DLGAP2: variants seen among roughly 807,000 people sequenced by gnomAD.
DLGAP2 encodes disks large-associated protein 2.
A neutral mutation model predicts 100.3 loss-of-function variants in DLGAP2; 26 were observed. The observed-to-expected ratio is 0.26, with a 90% CI of 0.19 to 0.36. DLGAP2 has a LOEUF of 0.36. Ranked by LOEUF, DLGAP2 falls within the 10% of genes least tolerant of loss-of-function variation. The pLI, the probability that DLGAP2 is intolerant of heterozygous loss-of-function variation, is 1.00. For synonymous variants in DLGAP2, 886 were observed against 630.1 expected, an observed-to-expected ratio of 1.41 and a Z score of -6.08; for missense variants, 1,858 against 1,453.2, an observed-to-expected ratio of 1.28 and a Z score of -4.53.
At chr8:1,606,709 G>T (rs1372007887) in intron 6 of DLGAP2, among the ~76,000 whole-genome samples, 1 of 151,994 alleles carries the variant, frequency 6.6e-6, no homozygotes, top group African/African-American at 2.4e-5. Context: ...CTGAGATGAG[G>T]TCTCACTCTG....
At chr8:1,145,799 T>G in intron 2 of DLGAP2, among the ~76,000 whole-genome samples, 1 of 137,604 alleles carries the variant, frequency 7.3e-6, no homozygotes, top group Non-Finnish European at 1.5e-5. Context: ...GAGTGTGATG[T>G]TCCCCTTCCT....
chr8:1,437,157 C>T lies in DLGAP2; in HGVS notation c.107-64209C>T, dbSNP rs186855629. On this transcript the variant is annotated intron_variant, in intron 3 of 14. Transcript: ENST00000637795. The stretch of plus-strand genomic sequence containing the variant: ...TGACGCCATCCGGGTCTGCGTTCAG[C>T]GCAGGCGCGTAAGGGTGACGCCATC... Among the ~76,000 whole-genome samples, 124 of 148,316 alleles carry T rather than the reference C, an allele frequency of 8.4e-4. 5 individuals are homozygous for T. Among genetic ancestry groups the T allele is most frequent in the African/African-American group, 2.8e-3 (110 of 39,922 alleles).
chr8:1,225,062 G>T (rs1798387234), intron 2 of DLGAP2, among the ~76,000 whole-genome samples: 1 of 152,198 alleles, frequency 6.6e-6, no homozygotes, highest in African/African-American at 2.4e-5. Flanking sequence ...AACTTAAAAT[G>T]GAAAAGAATG....
chr8:1,259,992 A>G (rs1178876095), intron 3 of DLGAP2, among the ~76,000 whole-genome samples: 1 of 152,228 alleles, frequency 6.6e-6, no homozygotes, highest in Non-Finnish European at 1.5e-5. Flanking sequence ...ACTTTTATGC[A>G]AAACATCAGA....
chr8:1,260,192 C>T (rs943530630), intron 3 of DLGAP2, among the ~76,000 whole-genome samples: 1 of 152,056 alleles, frequency 6.6e-6, no homozygotes, highest in Non-Finnish European at 1.5e-5. Flanking sequence ...AATTCTGCAG[C>T]CTGTCTGTTG....
In DLGAP2 at chr8:1,100,379, T is replaced by C. The variant is rs568263995; in HGVS notation, c.74-158472T>C. The stretch of plus-strand genomic sequence containing the variant: ...AAACCTTTGTCCAGCATGTCCACAG[T>C]GTATAATGTGTGTAGGGAAAACCTT... On this transcript the variant is annotated intron_variant, in intron 2 of 14. Transcript: ENST00000637795. Among the ~76,000 whole-genome samples the C allele has an allele frequency of 7.2e-5, 11 of 152,268 alleles. No individual in the cohort carries two copies. In the South Asian group the frequency reaches 2.1e-3, roughly 29 times the overall value.
At chr8:1,128,355 C>G (rs1349868774) in intron 2 of DLGAP2, among the ~76,000 whole-genome samples, 1 of 152,016 alleles carries the variant, frequency 6.6e-6, no homozygotes, top group African/African-American at 2.4e-5. Flanking sequence ...CCGTGAGGAC[C>G]TGCTCCCGGT....
At chr8:1,031,403 TTTTA>T (rs1320153969) in intron 2 of DLGAP2, among the ~76,000 whole-genome samples, 2 of 152,030 alleles carry the variant, frequency 1.3e-5, no homozygotes, top group African/African-American at 2.4e-5. Context: ...TTTTTTTTAA[TTTTA>T]TTTATTTGTT....
intron 8 of DLGAP2, among the ~76,000 whole-genome samples, chr8:1,653,089 G>A (rs1798203677): frequency 6.6e-6 from 1 of 152,154 alleles, no homozygotes. Context: ...CATCTATTTC[G>A]ACGATTAGGA....
chr8:1,144,614 G>A (rs7822145), intron 2 of DLGAP2, among the ~76,000 whole-genome samples: 126,637 of 152,228 alleles, frequency 0.83, 52,735 homozygotes, highest in Middle Eastern at 0.87. Context: ...CCACAAATAC[G>A]GAGAAGTTGC....
chr8:1,548,671 G>T lies in DLGAP2; in HGVS notation c.218G>T (p.Arg73Leu). 1 of 1,593,480 alleles carries T rather than the reference G, an allele frequency of 6.3e-7. No homozygotes were observed. The highest frequency in any genetic ancestry group is 2.3e-5 in the East Asian group (1 of 44,416). The change falls in exon 5 of 15, where the codon CGC (arginine) becomes CTC (leucine). Residue 73 changes from arginine to leucine, a missense_variant. Transcript: ENST00000637795. ...WSPTQHFNEE[R>L]YSPAPRSMKG... ...CCCACGCAGCACTTCAATGAGGAGC[G>T]CTACTCGCCCGCGCCCAGGAGCATG...
intron 2 of DLGAP2, among the ~76,000 whole-genome samples, chr8:1,022,028 A>G (rs1801637866): frequency 6.6e-6 from 1 of 152,172 alleles, no homozygotes; most frequent in South Asian, 2.1e-4. Flanking sequence ...TGGCCTTGCA[A>G]AGGGGTGAGT....
At chr8:1,142,327 G>GCAT (rs1796536247) in intron 2 of DLGAP2, among the ~76,000 whole-genome samples, 1 of 152,290 alleles carries the variant, frequency 6.6e-6, no homozygotes, top group African/African-American at 2.4e-5. Context: ...TGAGTTCTGA[G>GCAT]CATCACATGC....
rs149724872 is a variant in DLGAP2, at chr8:869,940, A to T, written c.19-37972A>T. ...TAATCAGGGAGTACAGAATGAGGTTATTGGTGGTTTCTTCAGGAGAGCAGG... is the reference window on the plus strand; with the variant it reads ...TAATCAGGGAGTACAGAATGAGGTTTTTGGTGGTTTCTTCAGGAGAGCAGG... On this transcript the variant is annotated intron_variant, in intron 1 of 14. Coordinates refer to ENST00000637795, the MANE Select transcript of DLGAP2 (RefSeq NM_001346810.2). Among the ~76,000 whole-genome samples the T allele has an allele frequency of 9.8e-4, 148 of 151,504 alleles. 2 individuals carry two copies. The highest frequency in any genetic ancestry group is 3.5e-3 in the African/African-American group (144 of 41,250).
chr8:1,303,835 C>T (rs1011826872), intron 3 of DLGAP2, among the ~76,000 whole-genome samples: 12 of 152,170 alleles, frequency 7.9e-5, no homozygotes, highest in African/African-American at 2.7e-4. Context: ...GCGGGACTCC[C>T]GGGAGGCACC....
At chr8:1,444,698 C>T (rs1020257386) in intron 3 of DLGAP2, among the ~76,000 whole-genome samples, 3 of 151,868 alleles carry the variant, frequency 2.0e-5, no homozygotes, top group African/African-American at 7.3e-5. Context: ...CATCTGCAGT[C>T]CCCTTTCTCC....
intron 1 of DLGAP2, among the ~76,000 whole-genome samples, chr8:795,459 C>A (rs1585870762): frequency 6.6e-6 from 1 of 152,314 alleles, no homozygotes; most frequent in East Asian, 1.9e-4. Flanking sequence ...ACAGTGAAAT[C>A]ACCCACAAAA....
In DLGAP2 at chr8:1,462,343, G is replaced by A. The variant is rs981764042; in HGVS notation, c.107-39023G>A. Among the ~76,000 whole-genome samples the A allele has an allele frequency of 3.1e-5, 3 of 97,034 alleles. 1 individual carries two copies. Among genetic ancestry groups the A allele is most frequent in the African/African-American group, 1.1e-4 (3 of 26,800 alleles). 63.7% of individuals were successfully genotyped at this position (97,034 alleles called of 152,430 possible). A position where few individuals can be genotyped will look rare whatever the true frequency, so the allele number is the denominator to read the frequency against. Reference sequence around the variant, plus strand: ...TTGGGAGAAGGTGCTGCTGTCACAGGACTGGGTGCAGTCGCTGATTCAGTG... The same window carrying A: ...TTGGGAGAAGGTGCTGCTGTCACAGAACTGGGTGCAGTCGCTGATTCAGTG... On this transcript the variant is annotated intron_variant, in intron 3 of 14. Transcript: ENST00000637795.
At chr8:1,550,841 G>A (rs568647012) in intron 5 of DLGAP2, among the ~76,000 whole-genome samples, 60 of 152,286 alleles carry the variant, frequency 3.9e-4, no homozygotes, top group African/African-American at 1.3e-3. Flanking sequence ...AGTCGATAGC[G>A]CTGTTAAAAA....
Sources: allele counts gnomAD v4.1 joint callset (sites outside exome capture counted in the v4.1 genomes callset), GRCh38; gene constraint gnomAD v4.1.1; transcripts MANE v1.5; gene names NCBI Gene and HGNC (gene_info 2026-07-23, HGNC 2026-07-21).